MITF: variants seen among roughly 807,000 people sequenced by gnomAD.
The protein encoded by MITF is microphthalmia-associated transcription factor.
In MITF, 17 loss-of-function variants were observed where a neutral mutation model predicts 60.5. The observed-to-expected ratio is 0.28, with a 90% CI of 0.19 to 0.42. The LOEUF is 0.42. Ranked by LOEUF, MITF falls within the 10% of genes least tolerant of loss-of-function variation. The pLI is 1.00. For missense variants in MITF, 622 were observed against 683.5 expected (o/e 0.91, Z 1.00); for synonymous variants, 260 against 248.5 (o/e 1.05, Z -0.43).
chr3:69,951,030 A>G (rs1372037733), intron 6 of MITF, among the ~76,000 whole-genome samples: 6 of 152,060 alleles, frequency 3.9e-5, no homozygotes, highest in African/African-American at 1.4e-4. Context: ...CAACTTCTGA[A>G]AAAATGAGTT....
At chr3:69,764,460 G>T (rs2062259428) in intron 1 of MITF, among the ~76,000 whole-genome samples, 2 of 152,272 alleles carry the variant, frequency 1.3e-5, no homozygotes, top group South Asian at 4.1e-4. Flanking sequence ...GTCTTTTCAA[G>T]TACTGTAGGA....
chr3:69,777,008 TG>T (rs1363886632), intron 1 of MITF, among the ~76,000 whole-genome samples: 2 of 152,204 alleles, frequency 1.3e-5, no homozygotes. Context: ...TTTCTATAAA[TG>T]GAGCTGTTTC....
chr3:69,790,702 A>G (rs2106912437), intron 1 of MITF, among the ~76,000 whole-genome samples: 1 of 152,252 alleles, frequency 6.6e-6, no homozygotes, highest in Non-Finnish European at 1.5e-5. Context: ...AAACCCCTAT[A>G]TCTCGCTTCT....
At chr3:69,859,321 C>T (rs888612826) in intron 1 of MITF, among the ~76,000 whole-genome samples, 3 of 152,186 alleles carry the variant, frequency 2.0e-5, no homozygotes, top group East Asian at 1.9e-4. Flanking sequence ...ACAATGGCAT[C>T]GTTGTCTGCA....
At chr3:69,909,099 C>A (rs1289185653) in intron 2 of MITF, among the ~76,000 whole-genome samples, 1 of 151,972 alleles carries the variant, frequency 6.6e-6, no homozygotes, top group Non-Finnish European at 1.5e-5. Flanking sequence ...CCAGAATTCC[C>A]ACATGTTGTG....
chr3:69,746,237 A>G (rs1703723444), intron 1 of MITF, among the ~76,000 whole-genome samples: 1 of 152,222 alleles, frequency 6.6e-6, no homozygotes, highest in Non-Finnish European at 1.5e-5. Context: ...TGAGTTCTGC[A>G]GTGCAGTTTG....
rs535343523 is a variant in MITF, at chr3:69,950,762, T to G, written c.881-1050T>G. On this transcript the variant is annotated intron_variant, in intron 6 of 9. Coordinates refer to ENST00000352241, the MANE Select transcript of MITF (RefSeq NM_001354604.2). ...CTGAAAAGGAAATAACAGAGCTTTC[T>G]GGATCCCCAGATTGGTCAAGTAACA... is the stretch of plus-strand genomic sequence containing the variant. Among the ~76,000 whole-genome samples, 12 of 152,114 alleles carry G rather than the reference T, an allele frequency of 7.9e-5. No individual in the cohort carries two copies. In the South Asian group the frequency reaches 2.5e-3, roughly 32 times the overall value.
chr3:69,847,777 C>T (rs2107165606), intron 1 of MITF, among the ~76,000 whole-genome samples: 1 of 152,340 alleles, frequency 6.6e-6, no homozygotes, highest in African/African-American at 2.4e-5. Context: ...TCCTCCAAGA[C>T]TTTGCCATGT....
chr3:69,774,669 G>A (rs946002487), intron 1 of MITF, among the ~76,000 whole-genome samples: 1 of 152,122 alleles, frequency 6.6e-6, no homozygotes, highest in African/African-American at 2.4e-5. Flanking sequence ...GAGGTAGAAG[G>A]GCTGCCACTT....
intron 1 of MITF, among the ~76,000 whole-genome samples, chr3:69,792,990 G>A (rs1229698214): frequency 2.1e-5 from 2 of 96,180 alleles, no homozygotes; most frequent in Admixed American, 1.1e-4. Context: ...ATGGGCTAAA[G>A]TCTTTAGCTT....
chr3:69,907,915 CAGTA>C (rs985556116), intron 2 of MITF, among the ~76,000 whole-genome samples: 2 of 152,132 alleles, frequency 1.3e-5, no homozygotes, highest in African/African-American at 4.8e-5. Context: ...GGCTTAAAAA[CAGTA>C]AGTGTTACAA....
At chr3:69,759,834 G>A (rs1187972270) in intron 1 of MITF, among the ~76,000 whole-genome samples, 1 of 152,108 alleles carries the variant, frequency 6.6e-6, no homozygotes, top group Non-Finnish European at 1.5e-5. Context: ...CTGGAGTGCA[G>A]TGGCACGATC....
At chr3:69,791,797 G>T (rs1362369854) in intron 1 of MITF, among the ~76,000 whole-genome samples, 1 of 152,198 alleles carries the variant, frequency 6.6e-6, no homozygotes, top group Non-Finnish European at 1.5e-5. Context: ...ATTTAAGTGT[G>T]TATGCAAGAG....
chr3:69,740,256 G>C (rs374918320), intron 1 of MITF, among the ~76,000 whole-genome samples: 3 of 151,968 alleles, frequency 2.0e-5, no homozygotes, highest in African/African-American at 7.3e-5. Flanking sequence ...GGTTTCTCTG[G>C]GCTCCGCCTC....
chr3:69,875,335 A>G (rs2064329389), intron 1 of MITF, among the ~76,000 whole-genome samples: 1 of 152,132 alleles, frequency 6.6e-6, no homozygotes, highest in Non-Finnish European at 1.5e-5. Context: ...CCACCTTCCC[A>G]TGTGGGACTT....
At chr3:69,938,198 A>G in intron 3 of MITF, 149 bp downstream of exon 3, 1 of 1,149,446 alleles carries the variant, frequency 8.7e-7, no homozygotes, top group Non-Finnish European at 1.3e-6. Context: ...TGGCTGTGGC[A>G]TTCCAGCCTG....
chr3:69,844,068 A>C (rs1024759885), intron 1 of MITF, among the ~76,000 whole-genome samples: 1 of 152,098 alleles, frequency 6.6e-6, no homozygotes, highest in African/African-American at 2.4e-5. Context: ...GCAAAGGAAA[A>C]CAACTCATCC....
chr3:69,923,529 G>C (rs1187403319), intron 2 of MITF, among the ~76,000 whole-genome samples: 1 of 152,148 alleles, frequency 6.6e-6, no homozygotes, highest in Non-Finnish European at 1.5e-5. Flanking sequence ...ATTTTTAGTA[G>C]AGATGGGGTT....
At chr3:69,793,100 A>C (rs977410483) in intron 1 of MITF, among the ~76,000 whole-genome samples, 3 of 132,702 alleles carry the variant, frequency 2.3e-5, no homozygotes, top group African/African-American at 8.7e-5. Flanking sequence ...GGCAACCTCG[A>C]TTTCCTGGGC....
Sources: allele counts gnomAD v4.1 joint callset (sites outside exome capture counted in the v4.1 genomes callset), GRCh38; gene constraint gnomAD v4.1.1; transcripts MANE v1.5; gene names NCBI Gene and HGNC (gene_info 2026-07-23, HGNC 2026-07-21).